NCEH1: variants seen among roughly 807,000 people sequenced by gnomAD.
NCEH1 encodes the protein neutral cholesterol ester hydrolase 1, also known as 2-acetyl MAGE hydrolase.
A neutral mutation model predicts 25.4 loss-of-function variants in NCEH1; 9 were observed. The ratio of observed to expected loss-of-function variants is 0.35; its 90% CI spans 0.21 to 0.62. The LOEUF (loss-of-function observed/expected upper bound fraction) is 0.62, where lower values mean the gene tolerates loss of function less well. NCEH1 is among the 20% of genes least tolerant of loss of function. The pLI is 0.72. For missense variants in NCEH1, 412 were observed against 501.1 expected, an observed-to-expected ratio of 0.82 and a Z score of 1.70; for synonymous variants, 200 against 199.8, an observed-to-expected ratio of 1.00 and a Z score of -0.01.
chr3:172,707,973 T>C (rs2108233198), intron 1 of NCEH1, among the ~76,000 whole-genome samples: 1 of 152,316 alleles, frequency 6.6e-6, no homozygotes, highest in African/African-American at 2.4e-5. Flanking sequence ...GCATCAAGTG[T>C]TTTGTTTTGG....
At chr3:172,649,175 C>T (rs1433467652) in intron 1 of NCEH1, among the ~76,000 whole-genome samples, 2 of 152,056 alleles carry the variant, frequency 1.3e-5, no homozygotes, top group Admixed American at 6.6e-5. Flanking sequence ...TTCCTGAGCC[C>T]TTTACCCCAG....
rs937061151 is a variant in NCEH1, at chr3:172,711,015, G to A, written c.-31C>T. ...CCTGGCTCGGCTCGCCAGCGGGCTG[G>A]CAAAGAGGAAAGGGCGATACCACCC... is the stretch of plus-strand genomic sequence containing the variant. On this transcript the variant is annotated 5_prime_UTR_variant, in exon 1 of 5. Transcript: ENST00000475381. 1.9e-6 allele frequency: 3 copies of A among 1,613,834 alleles called. No individual in the cohort carries two copies. Among genetic ancestry groups the A allele is most frequent in the Non-Finnish European group, 2.5e-6 (3 of 1,179,986 alleles).
chr3:172,653,690 T>C (rs988569757), intron 1 of NCEH1, among the ~76,000 whole-genome samples: 5 of 151,932 alleles, frequency 3.3e-5, no homozygotes, highest in Non-Finnish European at 5.9e-5. Context: ...GGAACTAAGG[T>C]GCAAGTATTG....
chr3:172,640,943 G>A (rs537300250), intron 3 of NCEH1, among the ~76,000 whole-genome samples: 4 of 152,048 alleles, frequency 2.6e-5, no homozygotes, highest in South Asian at 4.2e-4. Flanking sequence ...CTGGAATTAC[G>A]GGTGTGAGCC....
At chr3:172,698,150 T>A (rs1713480668) in intron 1 of NCEH1, among the ~76,000 whole-genome samples, 1 of 152,024 alleles carries the variant, frequency 6.6e-6, no homozygotes, top group Middle Eastern at 3.2e-3. Flanking sequence ...CTAATTTTTG[T>A]ATTTTTAGTA....
At position 172,633,775 on chromosome 3, in the gene NCEH1, A is replaced by G. The variant is rs779415936; in HGVS notation, c.927T>C (p.Asn309=). The change falls in exon 5 of 5, where the codon AAT becomes AAC. Residue 309 remains asparagine (N), a synonymous_variant. Coordinates refer to ENST00000475381, the MANE Select transcript of NCEH1 (RefSeq NM_020792.6). The part of the protein sequence containing the change: ...NYKPVVQTTG[N]ARIVQELPQL... ...GAGGAAGCTCCTGGACAATCCTGGCATTGCCTGTGGTCTGTACAACAGGCT... is the reference window on the plus strand; with the variant it reads ...GAGGAAGCTCCTGGACAATCCTGGCGTTGCCTGTGGTCTGTACAACAGGCT... The G allele has an allele frequency of 2.5e-6, 4 of 1,614,220 alleles. No homozygotes were observed. In the South Asian group the frequency reaches 4.4e-5, roughly 18 times the overall value.
intron 1 of NCEH1, among the ~76,000 whole-genome samples, chr3:172,672,889 T>C (rs1164871566): frequency 6.6e-6 from 1 of 152,130 alleles, no homozygotes; most frequent in Non-Finnish European, 1.5e-5. Flanking sequence ...CAAAAACCAG[T>C]GGAGACAGAA....
chr3:172,691,118 G>C (rs1411531576), intron 1 of NCEH1, among the ~76,000 whole-genome samples: 1 of 152,018 alleles, frequency 6.6e-6, no homozygotes, highest in Non-Finnish European at 1.5e-5. Context: ...GTCTTGTCTG[G>C]GCAGTAGATA....
At chr3:172,652,004 T>C (rs1717426478) in intron 1 of NCEH1, among the ~76,000 whole-genome samples, 1 of 152,146 alleles carries the variant, frequency 6.6e-6, no homozygotes, top group Non-Finnish European at 1.5e-5. Context: ...TATAGATAAA[T>C]ATCTGGGAGC....
intron 1 of NCEH1, among the ~76,000 whole-genome samples, chr3:172,665,802 A>G (rs892411687): frequency 4.6e-5 from 7 of 152,214 alleles, no homozygotes; most frequent in African/African-American, 1.7e-4. Context: ...TGCGCGGGAT[A>G]TAATCTCCTG....
At chr3:172,681,901 A>G (rs2108521209) in intron 1 of NCEH1, among the ~76,000 whole-genome samples, 1 of 121,928 alleles carries the variant, frequency 8.2e-6, no homozygotes, top group East Asian at 2.0e-4. Context: ...ACAGAATGAG[A>G]CTGTCTCAAA....
At chr3:172,653,859 C>G (rs531182551) in intron 1 of NCEH1, among the ~76,000 whole-genome samples, 2 of 150,344 alleles carry the variant, frequency 1.3e-5, no homozygotes, top group Non-Finnish European at 3.0e-5. Flanking sequence ...CTGGTTCAAG[C>G]GATTTTCCTG....
chr3:172,695,854 G>T (rs1349207447), intron 1 of NCEH1, among the ~76,000 whole-genome samples: 1 of 152,078 alleles, frequency 6.6e-6, no homozygotes, highest in Non-Finnish European at 1.5e-5. Context: ...TGAGGCAGGA[G>T]AATCGCTTGA....
intron 1 of NCEH1, among the ~76,000 whole-genome samples, chr3:172,700,713 C>G (rs1713633025): frequency 6.6e-6 from 1 of 152,054 alleles, no homozygotes; most frequent in South Asian, 2.1e-4. Flanking sequence ...GTCTTGAACT[C>G]CTGGCCTCAA....
intron 1 of NCEH1, chr3:172,681,106 G>A (rs1277908481): frequency 6.6e-6 from 1 of 151,960 alleles, no homozygotes; most frequent in Non-Finnish European, 1.5e-5. Flanking sequence ...AGGGCCCTGA[G>A]GACCAAGAGG....
In NCEH1 at chr3:172,632,438, AT is replaced by A. The variant is rs775469441; in HGVS notation, c.*1036del. The A allele has an allele frequency of 2.6e-5, 4 of 152,686 alleles. No individual in the cohort carries two copies. The South Asian group carries it at 8.3e-4, about 32-fold the overall frequency. 9.5% of individuals were successfully genotyped at this position (152,686 alleles called of 1,614,324 possible). A position where few individuals can be genotyped will look rare whatever the true frequency, so the allele number is the denominator to read the frequency against. ...TATTAACATTAAATAACTTAAAAAA[AT>A]AAACAATACATTATATTGTAGCAAA... On this transcript the variant is annotated 3_prime_UTR_variant, in exon 5 of 5. Transcript: ENST00000475381.
At chr3:172,658,512 C>A (rs529404120) in intron 1 of NCEH1, among the ~76,000 whole-genome samples, 1 of 152,148 alleles carries the variant, frequency 6.6e-6, no homozygotes, top group African/African-American at 2.4e-5. Context: ...AAGTATTGGA[C>A]GGAATTATTA....
At chr3:172,708,787 T>G (rs1714145783) in intron 1 of NCEH1, among the ~76,000 whole-genome samples, 1 of 152,122 alleles carries the variant, frequency 6.6e-6, no homozygotes. Context: ...AATGGACCCT[T>G]GGGGACAACT....
intron 1 of NCEH1, among the ~76,000 whole-genome samples, chr3:172,661,140 T>C (rs1403582848): frequency 3.9e-5 from 6 of 152,230 alleles, no homozygotes; most frequent in African/African-American, 1.4e-4. Flanking sequence ...CATCTTGAAT[T>C]AATTTTTGTA....
Sources: gnomAD v4.1 joint callset for allele counts (sites outside exome capture counted in the v4.1 genomes callset) on GRCh38, gnomAD v4.1.1 for gene constraint, MANE v1.5 for transcripts, NCBI Gene and HGNC (gene_info 2026-07-23, HGNC 2026-07-21) for gene names.